ADCY2: variants seen among roughly 807,000 people sequenced by gnomAD.
ADCY2 encodes the protein adenylate cyclase type 2.
A neutral mutation model predicts 125.2 loss-of-function variants in ADCY2; 31 were observed. The ratio of observed to expected loss-of-function variants is 0.25; its 90% CI spans 0.19 to 0.33. The LOEUF is 0.33. ADCY2 is among the 10% of genes least tolerant of loss of function. The pLI is 1.00. For synonymous variants in ADCY2, 512 were observed against 548.4 expected (o/e 0.93, Z 0.93); for missense variants, 904 against 1,418.2 (o/e 0.64, Z 5.82).
intron 23 of ADCY2, among the ~76,000 whole-genome samples, chr5:7,817,313 C>A (rs1254617912): frequency 1.1e-4 from 17 of 152,060 alleles, no homozygotes; most frequent in Admixed American, 1.0e-3. Context: ...TAAACTGGGA[C>A]CTGCCACTAA....
At chr5:7,655,136 A>G (rs559163713) in intron 4 of ADCY2, among the ~76,000 whole-genome samples, 1 of 152,262 alleles carries the variant, frequency 6.6e-6, no homozygotes, top group African/African-American at 2.4e-5. Flanking sequence ...GAGGGCTGGG[A>G]CTAAGGAACC....
rs1254458570 is a variant in ADCY2 at position 7,396,163 on chromosome 5, G to T, written c.-134G>T. 4.0e-6 allele frequency: 1 copy of T among 246,984 alleles called. No homozygotes were observed. The highest frequency in any genetic ancestry group is 6.3e-6 in the Non-Finnish European group (1 of 159,312). The allele number at this position is 246,984 out of a possible 1,614,324, so 15.3% of individuals were successfully genotyped here. On this transcript the variant is annotated 5_prime_UTR_variant, in exon 1 of 25. Transcript: ENST00000338316. This position sits in a 1 kb window ranked among gnomAD's most constrained non-coding sequence, Gnocchi z 5.7. ...GGGGCGCCGAGCTCCGCCCGCGCCG[G>T]AGGCCCCTGCGCGCAGCTCCGGGTG...
chr5:7,780,563 T>C (rs1485742509), intron 18 of ADCY2, among the ~76,000 whole-genome samples: 1 of 152,200 alleles, frequency 6.6e-6, no homozygotes, highest in Non-Finnish European at 1.5e-5. Context: ...TGGCCCTCAG[T>C]GATCAGTGAA....
rs561793700 is a variant in ADCY2 at position 7,828,074 on chromosome 5, T to C, written c.*1203T>C. The C allele has an allele frequency of 1.7e-4, 26 of 152,944 alleles. No individual in the cohort carries two copies. Among genetic ancestry groups the C allele is most frequent in the African/African-American group, 6.3e-4 (26 of 41,596 alleles). 9.5% of individuals were successfully genotyped at this position (152,944 alleles called of 1,614,324 possible). The stretch of plus-strand genomic sequence containing the variant: ...AAGACAGAAGGCCTTGAAGAATTTG[T>C]TCTTGTAAATCCAACACAAGTTGTT... On this transcript the variant is annotated 3_prime_UTR_variant, in exon 25 of 25. Coordinates refer to ENST00000338316, the MANE Select transcript of ADCY2 (RefSeq NM_020546.3).
chr5:7,455,805 TTATAA>T (rs1030638067), intron 2 of ADCY2, among the ~76,000 whole-genome samples: 26 of 145,518 alleles, frequency 1.8e-4, no homozygotes, highest in African/African-American at 6.0e-4. Flanking sequence ...ATTCTTATTA[TTATAA>T]TATATTTAAT....
chr5:7,688,412 T>C (rs2973327), intron 4 of ADCY2, among the ~76,000 whole-genome samples: 105,137 of 151,646 alleles, frequency 0.69, 37,314 homozygotes, highest in East Asian at 0.98. Context: ...GGACTACAGG[T>C]GCCTGCCACC....
intron 18 of ADCY2, among the ~76,000 whole-genome samples, chr5:7,776,198 A>AG (rs1343141400): frequency 6.7e-6 from 1 of 149,492 alleles, no homozygotes; most frequent in South Asian, 2.1e-4. Flanking sequence ...ATCCTTAAAA[A>AG]AAAAAAAAAA....
At chr5:7,821,046 A>G (rs1162272208) in intron 24 of ADCY2, among the ~76,000 whole-genome samples, 5 of 152,168 alleles carry the variant, frequency 3.3e-5, no homozygotes, top group African/African-American at 1.2e-4. Flanking sequence ...ATCACATGCA[A>G]CCAAAACCAG....
chr5:7,569,937 G>T (rs1403858517), intron 3 of ADCY2, among the ~76,000 whole-genome samples: 1 of 152,084 alleles, frequency 6.6e-6, no homozygotes, highest in African/African-American at 2.4e-5. Context: ...ATTTTCAATG[G>T]ATAAACATTA....
intron 2 of ADCY2, among the ~76,000 whole-genome samples, chr5:7,444,109 CTCT>C (rs1741129355): frequency 3.1e-5 from 4 of 130,428 alleles, no homozygotes; most frequent in Admixed American, 8.4e-5. Flanking sequence ...TGGTTTTTAT[CTCT>C]TTTTTTTTTT....
chr5:7,520,956 G>A (rs775595573), intron 3 of ADCY2, 57 bp downstream of exon 3: 5 of 1,600,688 alleles, frequency 3.1e-6, no homozygotes, highest in Admixed American at 1.7e-5. Flanking sequence ...CAGGGGGTGA[G>A]GCAGGTGCTG....
intron 4 of ADCY2, among the ~76,000 whole-genome samples, chr5:7,628,561 A>G (rs189553226): frequency 6.6e-6 from 1 of 152,188 alleles, no homozygotes; most frequent in Non-Finnish European, 1.5e-5. Flanking sequence ...AAAAGAAGTC[A>G]GTGATTCTTT....
chr5:7,814,808 G>A (rs558293774), intron 22 of ADCY2, among the ~76,000 whole-genome samples: 38 of 152,210 alleles, frequency 2.5e-4, no homozygotes, highest in African/African-American at 7.2e-4. Context: ...CTTTGTCCCC[G>A]GACCTTTCTT....
rs149495281 is a variant in ADCY2, at chr5:7,595,329, A to G, written c.571-30838A>G. 2.1e-3 allele frequency among the ~76,000 whole-genome samples: 322 copies of G among 152,236 alleles called. 3 individuals carry two copies. Among genetic ancestry groups the G allele is most frequent in the African/African-American group, 7.1e-3 (295 of 41,538 alleles). The stretch of plus-strand genomic sequence containing the variant: ...GGAGCATTTATTTTAATACTTATAT[A>G]CTGTATTAATATTTTAATGAGTCAT... On this transcript the variant is annotated intron_variant, in intron 3 of 24. Coordinates refer to ENST00000338316, the MANE Select transcript of ADCY2 (RefSeq NM_020546.3).
intron 4 of ADCY2, among the ~76,000 whole-genome samples, chr5:7,661,106 A>G (rs1157100098): frequency 1.3e-5 from 2 of 152,144 alleles, no homozygotes; most frequent in Admixed American, 1.3e-4. Flanking sequence ...TGATTTGGAC[A>G]GGGGTATATA....
intron 4 of ADCY2, among the ~76,000 whole-genome samples, chr5:7,677,537 G>A (rs1167005522): frequency 6.6e-6 from 1 of 152,142 alleles, no homozygotes; most frequent in Middle Eastern, 3.2e-3. Context: ...TGGGACTGCT[G>A]CCCTGAGAAC....
chr5:7,477,395 G>A (rs1302943912), intron 2 of ADCY2, among the ~76,000 whole-genome samples: 1 of 152,200 alleles, frequency 6.6e-6, no homozygotes, highest in East Asian at 1.9e-4. Context: ...CATAGATGAA[G>A]TGGTGCATTC....
intron 2 of ADCY2, among the ~76,000 whole-genome samples, chr5:7,467,142 G>T (rs1355577409): frequency 6.6e-6 from 1 of 152,212 alleles, no homozygotes; most frequent in Non-Finnish European, 1.5e-5. Flanking sequence ...ATGCCAGCCA[G>T]TTCATGGCAA....
intron 2 of ADCY2, among the ~76,000 whole-genome samples, chr5:7,418,758 C>G (rs1333737457): frequency 6.9e-6 from 1 of 145,158 alleles, no homozygotes; most frequent in East Asian, 2.1e-4. Context: ...TGGGTTCAAG[C>G]AGTTCTCCTG....
Sources: gnomAD v4.1 joint callset for allele counts (sites outside exome capture counted in the v4.1 genomes callset) on GRCh38, gnomAD v4.1.1 for gene constraint, Gnocchi (gnomAD v3.1) non-coding constraint, MANE v1.5 for transcripts, NCBI Gene and HGNC (gene_info 2026-07-23, HGNC 2026-07-21) for gene names.